The following NIPBL variants were observed in gnomAD, a reference collection of about 807,000 sequenced individuals.
NIPBL encodes the protein nipped-B-like protein.
In NIPBL, 19 loss-of-function variants were observed where a neutral mutation model predicts 321.8. That is an observed-to-expected ratio of 0.06 (90% CI 0.04 to 0.09). NIPBL has a LOEUF of 0.09. NIPBL is among the 10% of genes least tolerant of loss of function. The pLI, the probability that NIPBL is intolerant of heterozygous loss-of-function variation, is 1.00. For missense variants in NIPBL, 2,210 were observed against 3,327.0 expected (o/e 0.66, Z 8.26); for synonymous variants, 1,106 against 1,114.1 (o/e 0.99, Z 0.14).
intron 1 of NIPBL, among the ~76,000 whole-genome samples, chr5:36,932,568 C>A (rs1433837142): frequency 6.6e-6 from 1 of 151,760 alleles, no homozygotes; most frequent in East Asian, 1.9e-4. Context: ...CTATTTGTAT[C>A]TTTGAATCAA....
chr5:36,985,467 G>A lies in NIPBL; in HGVS notation c.2287G>A (p.Asp763Asn), dbSNP rs772277123. Residue 763 changes from aspartate to asparagine, a missense_variant, in exon 10 of 47, where the codon GAC becomes AAC. Asp to Asn is a conservative substitution (Grantham distance 23, BLOSUM62 1). Transcript: ENST00000282516. ...ACCTGAAACACCAAAACACAGGCATGACAATAGGAGGGATTCTGGAAAGCC... is the reference window on the plus strand; with the variant it reads ...ACCTGAAACACCAAAACACAGGCATAACAATAGGAGGGATTCTGGAAAGCC... ...GRPETPKHRH[D>N]NRRDSGKPST... 10 of 1,613,684 alleles carry A rather than the reference G, an allele frequency of 6.2e-6. No homozygotes were observed. Among genetic ancestry groups the A allele is most frequent in the Non-Finnish European group, 8.5e-6 (10 of 1,179,952 alleles).
intron 1 of NIPBL, among the ~76,000 whole-genome samples, chr5:36,945,994 A>G (rs1168171221): frequency 6.6e-6 from 1 of 152,154 alleles, no homozygotes; most frequent in Non-Finnish European, 1.5e-5. Flanking sequence ...TTTAGCATTT[A>G]TATCCCACCT....
chr5:36,971,803 A>G, intron 7 of NIPBL, 142 bp from the exon 8 acceptor site: 2 of 1,464,030 alleles, frequency 1.4e-6, no homozygotes. Flanking sequence ...CCAAGAAGAA[A>G]ACAGGAAAGT....
chr5:36,934,918 G>A (rs1032611189), intron 1 of NIPBL, among the ~76,000 whole-genome samples: 1 of 152,114 alleles, frequency 6.6e-6, no homozygotes, highest in African/African-American at 2.4e-5. Context: ...AGAAACCAAA[G>A]AATGAGTTAC....
At chr5:36,966,812 T>C (rs949103111) in intron 6 of NIPBL, among the ~76,000 whole-genome samples, 2 of 152,094 alleles carry the variant, frequency 1.3e-5, no homozygotes, top group Non-Finnish European at 2.9e-5. Flanking sequence ...CCTGGATCAC[T>C]GAAAGCAAAA....
At chr5:36,955,756 T>C (rs1036178149) in intron 3 of NIPBL, 119 bp downstream of exon 3, 34 of 759,342 alleles carry the variant, frequency 4.5e-5, no homozygotes, top group African/African-American at 3.8e-4. Flanking sequence ...TTTAAAAATA[T>C]CCATATCCGA....
At position 36,958,087 on chromosome 5, in the gene NIPBL, T is replaced by C. The variant is rs766684830; in HGVS notation, c.231-17T>C. On this transcript the variant is annotated splice_polypyrimidine_tract_variant and intron_variant, in intron 3 of 46. Coordinates refer to ENST00000282516, the MANE Select transcript of NIPBL (RefSeq NM_133433.4). ...AGTCACCATTTTAATTTTTGATACT[T>C]ATTTTCTCAATGCCAGAGAGTTGAA... 2.5e-6 allele frequency: 4 copies of C among 1,613,414 alleles called. No individual in the cohort carries two copies. In the South Asian group the frequency reaches 3.3e-5, roughly 13 times the overall value.
At chr5:37,052,749 G>A (rs550713159) in intron 42 of NIPBL, among the ~76,000 whole-genome samples, 183 bp downstream of exon 42, 3 of 152,262 alleles carry the variant, frequency 2.0e-5, no homozygotes, top group African/African-American at 7.2e-5. Context: ...TTTTGTATGA[G>A]AATAAGTGTA....
At chr5:36,980,301 A>G (rs1015967124) in intron 9 of NIPBL, among the ~76,000 whole-genome samples, 14 of 151,698 alleles carry the variant, frequency 9.2e-5, no homozygotes, top group Admixed American at 3.3e-4. Flanking sequence ...TTGACATTCA[A>G]TTTTGGTGAA....
chr5:36,949,895 T>C (rs1740078870), intron 1 of NIPBL, among the ~76,000 whole-genome samples: 1 of 152,010 alleles, frequency 6.6e-6, no homozygotes, highest in Non-Finnish European at 1.5e-5. Context: ...TTAAAAATCT[T>C]GGCAAATGCT....
At chr5:37,025,474 T>G (rs1750155675) in intron 30 of NIPBL, among the ~76,000 whole-genome samples, 1 of 152,016 alleles carries the variant, frequency 6.6e-6, no homozygotes, top group Admixed American at 6.6e-5. Flanking sequence ...ATTTATCTCA[T>G]AGAGATAGAG....
chr5:37,053,020 C>T (rs1303858867), intron 42 of NIPBL, among the ~76,000 whole-genome samples: 1 of 152,144 alleles, frequency 6.6e-6, no homozygotes, highest in Admixed American at 6.5e-5. Context: ...CCTCCCTTAT[C>T]ATTAAAGATA....
chr5:37,045,624 A>G (rs866167025), intron 37 of NIPBL, 27 bp downstream of exon 37: 9 of 1,608,030 alleles, frequency 5.6e-6, no homozygotes, highest in Non-Finnish European at 6.0e-6. Flanking sequence ...TTAAAATGCT[A>G]TAAAACATAG....
intron 1 of NIPBL, among the ~76,000 whole-genome samples, chr5:36,884,333 G>C (rs1336626489): frequency 1.3e-5 from 2 of 152,112 alleles, no homozygotes; most frequent in East Asian, 3.8e-4. Flanking sequence ...ATCTTCCTAA[G>C]TTCAAAATAG....
chr5:36,977,553 T>C (rs1419712561), intron 9 of NIPBL, among the ~76,000 whole-genome samples: 1 of 151,558 alleles, frequency 6.6e-6, no homozygotes, highest in African/African-American at 2.4e-5. Context: ...AAGAGATTGC[T>C]AGAAGTCTTC....
At chr5:37,053,115 A>G (rs1753744202) in intron 42 of NIPBL, among the ~76,000 whole-genome samples, 1 of 152,158 alleles carries the variant, frequency 6.6e-6, no homozygotes, top group East Asian at 1.9e-4. Context: ...AATGACAGGG[A>G]TACATTTGGA....
chr5:36,941,360 A>G (rs902730467), intron 1 of NIPBL, among the ~76,000 whole-genome samples: 6 of 152,064 alleles, frequency 3.9e-5, no homozygotes, highest in African/African-American at 1.4e-4. Flanking sequence ...TCACTTTCTT[A>G]AACAACAATA....
chr5:37,057,961 A>G (rs1754277725), intron 43 of NIPBL, among the ~76,000 whole-genome samples: 1 of 152,236 alleles, frequency 6.6e-6, no homozygotes, highest in Non-Finnish European at 1.5e-5. Flanking sequence ...TAATGATCCA[A>G]GTAGATCTCA....
In NIPBL at chr5:36,950,263, C is replaced by T. The variant is rs552089906; in HGVS notation, c.-79-3355C>T. On this transcript the variant is annotated intron_variant, in intron 1 of 46. Transcript: ENST00000282516. The stretch of plus-strand genomic sequence containing the variant: ...TTGTATTGAAAAGATGCCTTTCCCT[C>T]TATTTGTTTTGAAAAGACTCCTGTT... Among the ~76,000 whole-genome samples the T allele has an allele frequency of 1.0e-3, 153 of 152,140 alleles. 1 individual carries two copies. Among genetic ancestry groups the T allele is most frequent in the South Asian group, 3.7e-3 (18 of 4,822 alleles).
Sources: allele counts gnomAD v4.1 joint callset (sites outside exome capture counted in the v4.1 genomes callset), GRCh38; gene constraint gnomAD v4.1.1; transcripts MANE v1.5; gene names NCBI Gene and HGNC (gene_info 2026-07-23, HGNC 2026-07-21).